HADH: variants seen among roughly 807,000 people sequenced by gnomAD.
HADH encodes the protein hydroxyacyl-coenzyme A dehydrogenase, mitochondrial.
HADH carries 24 observed loss-of-function variants against 32.2 expected under a neutral mutation model. The observed-to-expected ratio is 0.75, with a 90% CI of 0.54 to 1.05. The LOEUF is 1.05. Ranked by LOEUF, HADH falls within the 50% of genes least tolerant of loss-of-function variation. The pLI, the probability that HADH is intolerant of heterozygous loss-of-function variation, is 0.00. For synonymous variants in HADH, 139 were observed against 152.5 expected (o/e 0.91, Z 0.65); for missense variants, 350 against 397.1 (o/e 0.88, Z 1.01).
intron 6 of HADH, chr4:108,028,747 G>A (rs2126237838): frequency 7.6e-6 from 3 of 392,930 alleles, no homozygotes; most frequent in Non-Finnish European, 1.3e-5. Flanking sequence ...GCAGTTGTAT[G>A]TCTTTTTTTT....
At position 107,990,052 on chromosome 4, in the gene HADH, C is replaced by A; in HGVS notation, c.120C>A (p.Ala40=). The A allele has an allele frequency of 6.2e-7, 1 of 1,610,104 alleles. No homozygotes were observed. The highest frequency in any genetic ancestry group is 8.5e-7 in the Non-Finnish European group (1 of 1,178,964). Residue 40 remains alanine (A), a synonymous_variant, in exon 1 of 8, where the codon GCC becomes GCA. Coordinates refer to ENST00000309522, the MANE Select transcript of HADH (RefSeq NM_005327.7). The part of the protein sequence containing the change: ...VTVIGGGLMG[A]GIAQVAAATG... Reference sequence around the variant, plus strand: ...TCATCGGCGGCGGGCTGATGGGCGCCGGCATTGCCCAGGTGAGCGGCCCTC... The same window carrying A: ...TCATCGGCGGCGGGCTGATGGGCGCAGGCATTGCCCAGGTGAGCGGCCCTC...
Position 107,989,891 on chromosome 4 carries a change from TC to T in HADH, c.-39del. 2 of 1,604,618 alleles carry T rather than the reference TC, an allele frequency of 1.2e-6. No homozygotes were observed. Among genetic ancestry groups the T allele is most frequent in the South Asian group, 1.1e-5 (1 of 89,262 alleles). ...CCGCGGCTGCCCGCCTCGCGCGTCT[TC>T]CCTGCCCGGGTCTCCTCGCTGTCGC... On this transcript the variant is annotated 5_prime_UTR_variant, in exon 1 of 8. Coordinates refer to ENST00000309522, the MANE Select transcript of HADH (RefSeq NM_005327.7).
rs113991792 is a variant in HADH at position 108,012,737 on chromosome 4, G to C, written c.262-1694G>C. On this transcript the variant is annotated intron_variant, in intron 2 of 7. Transcript: ENST00000309522. ...CCAGGGCAAATATTTAGGCTAAATT[G>C]TGGGAGCTAAGAACATAAAGTACAT... Among the ~76,000 whole-genome samples the C allele has an allele frequency of 1.3e-3, 192 of 152,340 alleles. 1 individual carries two copies. The highest frequency in any genetic ancestry group is 4.4e-3 in the African/African-American group (181 of 41,572).
At chr4:108,004,827 G>A in intron 1 of HADH, 1 of 1,536,056 alleles carries the variant, frequency 6.5e-7, no homozygotes, top group South Asian at 1.2e-5. Flanking sequence ...GTGTCTGCTG[G>A]AGGAAGGAAC....
At position 108,015,613 on chromosome 4, in the gene HADH, G is replaced by A. The variant is rs144238990; in HGVS notation, c.419+1025G>A. Among the ~76,000 whole-genome samples, 70 of 152,196 alleles carry A rather than the reference G, an allele frequency of 4.6e-4. 3 individuals carry two copies. In the East Asian group the frequency reaches 0.012, roughly 26 times the overall value. ...TTCAAGAAAAGCCAATATGGTTTCC[G>A]TTGTTCTCCATCCTCCCACTCCCAG... On this transcript the variant is annotated intron_variant, in intron 3 of 7. Coordinates refer to ENST00000309522, the MANE Select transcript of HADH (RefSeq NM_005327.7).
chr4:107,990,743 C>G (rs1188706983), intron 1 of HADH, among the ~76,000 whole-genome samples: 1 of 111,848 alleles, frequency 8.9e-6, no homozygotes. Flanking sequence ...AAGTCTCTCT[C>G]TTTTTTTTTT....
At chr4:107,996,610 CAG>C (rs1466443022) in intron 1 of HADH, among the ~76,000 whole-genome samples, 1 of 152,066 alleles carries the variant, frequency 6.6e-6, no homozygotes, top group Non-Finnish European at 1.5e-5. Flanking sequence ...AGAAAAAAAC[CAG>C]TCCAGGCATG....
intron 1 of HADH, among the ~76,000 whole-genome samples, chr4:107,992,525 A>G (rs1734844556): frequency 6.6e-6 from 1 of 152,208 alleles, no homozygotes; most frequent in Admixed American, 6.5e-5. Context: ...TGAGTGCCAG[A>G]GACGAATTAG....
chr4:108,020,749 C>G (rs781658549), intron 4 of HADH, among the ~76,000 whole-genome samples: 18 of 152,216 alleles, frequency 1.2e-4, no homozygotes, highest in Non-Finnish European at 2.4e-4. Flanking sequence ...TATTGCCCTG[C>G]GAAGTGTGGG....
chr4:108,018,802 A>G (rs962392906), intron 3 of HADH, among the ~76,000 whole-genome samples: 1 of 152,056 alleles, frequency 6.6e-6, no homozygotes. Context: ...CTGGAAGTCA[A>G]CCTGTTTAAA....
chr4:108,016,314 T>G (rs563105611), intron 3 of HADH, among the ~76,000 whole-genome samples: 1 of 152,346 alleles, frequency 6.6e-6, no homozygotes, highest in African/African-American at 2.4e-5. Context: ...GTCACTTGCA[T>G]ACCAGCTTGT....
intron 1 of HADH, among the ~76,000 whole-genome samples, chr4:108,007,003 G>A (rs767709231): frequency 2.6e-5 from 4 of 152,172 alleles, no homozygotes; most frequent in Non-Finnish European, 4.4e-5. Flanking sequence ...CTTGGAAAAC[G>A]CAGATTATGA....
intron 7 of HADH, 116 bp from the exon 8 acceptor site, chr4:108,034,123 A>G: frequency 1.3e-6 from 1 of 796,500 alleles, no homozygotes; most frequent in Non-Finnish European, 2.3e-6. Context: ...GAGGGGCGCC[A>G]TGCCTGGGGG....
intron 4 of HADH, among the ~76,000 whole-genome samples, chr4:108,020,274 C>T (rs1025113330): frequency 1.3e-5 from 2 of 152,102 alleles, no homozygotes; most frequent in Admixed American, 6.5e-5. Flanking sequence ...GGTTCAAGAA[C>T]AGCCTAGGCA....
rs1736416254 is a variant in HADH at position 108,035,000 on chromosome 4, G to A, written c.*643G>A. The A allele has an allele frequency of 6.5e-6, 1 of 153,980 alleles. No homozygotes were observed. The highest frequency in any genetic ancestry group is 2.4e-5 in the African/African-American group (1 of 41,394). 9.5% of individuals were successfully genotyped at this position (153,980 alleles called of 1,614,324 possible). A position where few individuals can be genotyped will look rare whatever the true frequency, so the allele number is the denominator to read the frequency against. ...AGTTCCACAGATCTGAATGATTACT[G>A]TCTGTCTGTGTCTTTTTTCCATGAG... On this transcript the variant is annotated 3_prime_UTR_variant, in exon 8 of 8. Coordinates refer to ENST00000309522, the MANE Select transcript of HADH (RefSeq NM_005327.7).
chr4:108,033,006 C>T, intron 6 of HADH, 170 bp from the exon 7 acceptor site: 1 of 680,104 alleles, frequency 1.5e-6, no homozygotes. Context: ...CTTATGACCT[C>T]TTTGGCATGT....
intron 3 of HADH, among the ~76,000 whole-genome samples, chr4:108,019,247 A>G (rs550398075): frequency 2.2e-4 from 34 of 152,330 alleles, no homozygotes; most frequent in African/African-American, 7.2e-4. Context: ...GTTAACTAAT[A>G]CAAGTAGGTA....
chr4:108,009,222 C>A (rs1188503244), intron 1 of HADH, among the ~76,000 whole-genome samples: 2 of 152,168 alleles, frequency 1.3e-5, no homozygotes, highest in Non-Finnish European at 2.9e-5. Flanking sequence ...GGCCAAGAGG[C>A]CAAGCTGTAC....
At chr4:108,034,169 C>A in intron 7 of HADH, 70 bp from the exon 8 acceptor site, 4 of 1,077,306 alleles carry the variant, frequency 3.7e-6, no homozygotes, top group Non-Finnish European at 5.8e-6. Flanking sequence ...CCAGACTTGT[C>A]CTTGGAAATG....
Sources: allele counts gnomAD v4.1 joint callset (sites outside exome capture counted in the v4.1 genomes callset), GRCh38; gene constraint gnomAD v4.1.1; transcripts MANE v1.5; gene names NCBI Gene and HGNC (gene_info 2026-07-23, HGNC 2026-07-21).